The following GALNTL6 variants were observed in gnomAD, a reference collection of about 807,000 sequenced individuals.
The protein encoded by GALNTL6 is polypeptide N-acetylgalactosaminyltransferase like 6.
In GALNTL6, 46 loss-of-function variants were observed where a neutral mutation model predicts 73.7. That is an observed-to-expected ratio of 0.62 (90% confidence interval 0.49 to 0.80). GALNTL6 has a LOEUF of 0.80. Ranked by LOEUF, GALNTL6 falls within the 30% of genes least tolerant of loss-of-function variation. GALNTL6 has a pLI of 0.00. For missense variants in GALNTL6, 604 were observed against 755.0 expected (o/e 0.80, Z 2.34); for synonymous variants, 259 against 263.7 (o/e 0.98, Z 0.17).
At chr4:172,581,767 A>G (rs1737200460) in intron 5 of GALNTL6, among the ~76,000 whole-genome samples, 1 of 152,158 alleles carries the variant, frequency 6.6e-6, no homozygotes, top group African/African-American at 2.4e-5. Flanking sequence ...GAGATGATCT[A>G]GGAAAATTGT....
At chr4:172,156,545 A>ATGTATATATATATAC (rs1560945582) in intron 2 of GALNTL6, among the ~76,000 whole-genome samples, 2,024 of 67,222 alleles carry the variant, frequency 0.03, 48 homozygotes, top group Middle Eastern at 0.036. Context: ...TATATAATAT[A>ATGTATATATATATAC]TATATATATA....
chr4:172,840,475 C>T (rs1743148499), intron 7 of GALNTL6, among the ~76,000 whole-genome samples: 1 of 152,096 alleles, frequency 6.6e-6, no homozygotes. Context: ...TCTATCATTG[C>T]TAATCCTTTC....
chr4:172,864,078 T>C (rs1585319), intron 7 of GALNTL6, among the ~76,000 whole-genome samples: 151,696 of 152,336 alleles, frequency 1, 75,533 homozygotes, highest in Middle Eastern at 1. Flanking sequence ...CTTCCTTTGC[T>C]TTCTGCCATG....
chr4:172,455,015 A>C (rs1210601351), intron 5 of GALNTL6, among the ~76,000 whole-genome samples: 2 of 152,164 alleles, frequency 1.3e-5, no homozygotes, highest in African/African-American at 2.4e-5. Flanking sequence ...TGAGGTACCC[A>C]GCCCATCTCA....
At chr4:172,170,091 A>G (rs904168042) in intron 2 of GALNTL6, among the ~76,000 whole-genome samples, 2 of 152,120 alleles carry the variant, frequency 1.3e-5, no homozygotes, top group Non-Finnish European at 2.9e-5. Flanking sequence ...ACATTCCACA[A>G]TCTAAGTTGG....
At chr4:171,956,971 C>T (rs1283024312) in intron 2 of GALNTL6, among the ~76,000 whole-genome samples, 1 of 152,208 alleles carries the variant, frequency 6.6e-6, no homozygotes. Context: ...ACCTAACTAT[C>T]CTTACCTTTC....
At chr4:172,619,079 G>A (rs998385540) in intron 5 of GALNTL6, among the ~76,000 whole-genome samples, 1 of 152,070 alleles carries the variant, frequency 6.6e-6, no homozygotes, top group South Asian at 2.1e-4. Flanking sequence ...GCTTAAATAA[G>A]AGGTCAGGAA....
At chr4:172,425,247 A>G (rs1008967565) in intron 5 of GALNTL6, 1 of 152,092 alleles carries the variant, frequency 6.6e-6, no homozygotes, top group Non-Finnish European at 1.5e-5. Flanking sequence ...ACACAAAGGT[A>G]TGCAATGAAT....
chr4:172,163,533 C>T (rs1304175259), intron 2 of GALNTL6, among the ~76,000 whole-genome samples: 3 of 151,914 alleles, frequency 2.0e-5, no homozygotes, highest in East Asian at 1.9e-4. Flanking sequence ...TTCTCAGAAA[C>T]GATTTCTTCA....
At chr4:171,899,317 T>G (rs1335867661) in intron 2 of GALNTL6, among the ~76,000 whole-genome samples, 1 of 152,098 alleles carries the variant, frequency 6.6e-6, no homozygotes, top group African/African-American at 2.4e-5. Flanking sequence ...ATTCAAAGTA[T>G]TTCAGTCTTC....
intron 8 of GALNTL6, among the ~76,000 whole-genome samples, chr4:172,892,907 C>G (rs1332306353): frequency 6.6e-6 from 1 of 152,196 alleles, no homozygotes; most frequent in Admixed American, 6.5e-5. Flanking sequence ...TATTTGGGGA[C>G]CTACTGGTCC....
intron 11 of GALNTL6, among the ~76,000 whole-genome samples, chr4:173,015,883 C>T (rs1752761915): frequency 6.6e-6 from 1 of 152,228 alleles, no homozygotes; most frequent in Non-Finnish European, 1.5e-5. Context: ...CCATCACAGA[C>T]CCAGAGGTCT....
intron 5 of GALNTL6, among the ~76,000 whole-genome samples, chr4:172,669,450 C>A (rs1439655049): frequency 2.0e-5 from 3 of 152,144 alleles, no homozygotes; most frequent in African/African-American, 4.8e-5. Context: ...ATGACCCCAA[C>A]AGTAGATGTT....
At chr4:172,786,250 T>G (rs1256106267) in intron 5 of GALNTL6, among the ~76,000 whole-genome samples, 1 of 152,216 alleles carries the variant, frequency 6.6e-6, no homozygotes, top group Non-Finnish European at 1.5e-5. Flanking sequence ...AAACTCAAAG[T>G]ATTGCTTAAA....
intron 5 of GALNTL6, among the ~76,000 whole-genome samples, chr4:172,448,327 T>A (rs1732098626): frequency 6.6e-6 from 1 of 152,206 alleles, no homozygotes; most frequent in Non-Finnish European, 1.5e-5. Flanking sequence ...CAGCAATCAT[T>A]TTAATGCTTA....
rs979811194 is a variant in GALNTL6, at chr4:172,000,664, G to T, written c.138+185946G>T. 1.4e-4 allele frequency among the ~76,000 whole-genome samples: 21 copies of T among 152,096 alleles called. No individual in the cohort carries two copies. In the East Asian group the frequency reaches 4.1e-3, roughly 29 times the overall value. ...GACAGTTTCTGCTATTGTAAGTTAG[G>T]CTATGTTATGGTAAGAAAAATATAT... On this transcript the variant is annotated intron_variant, in intron 2 of 12. Coordinates refer to ENST00000506823, the MANE Select transcript of GALNTL6 (RefSeq NM_001034845.3).
At chr4:172,146,869 TA>T (rs1370745469) in intron 2 of GALNTL6, among the ~76,000 whole-genome samples, 4 of 152,206 alleles carry the variant, frequency 2.6e-5, no homozygotes, top group Non-Finnish European at 4.4e-5. Flanking sequence ...TATTAATCAA[TA>T]AGCACATATT....
chr4:172,935,247 C>A (rs983002602), intron 9 of GALNTL6, among the ~76,000 whole-genome samples: 11 of 152,124 alleles, frequency 7.2e-5, no homozygotes, highest in Admixed American at 3.3e-4. Context: ...TAGAACCAAC[C>A]CTTACCCCTA....
At chr4:171,959,903 T>TGTCCTCGTGAGTA (rs1189055738) in intron 2 of GALNTL6, among the ~76,000 whole-genome samples, 4 of 152,236 alleles carry the variant, frequency 2.6e-5, no homozygotes, top group African/African-American at 9.6e-5. Flanking sequence ...GACCTTCATA[T>TGTCCTCGTGAGTA]TTCATATTTT....
Sources: allele counts gnomAD v4.1 joint callset (sites outside exome capture counted in the v4.1 genomes callset), GRCh38; gene constraint gnomAD v4.1.1; transcripts MANE v1.5; gene names NCBI Gene and HGNC (gene_info 2026-07-23, HGNC 2026-07-21).